Variants in TRAPPC9 observed in about 807,000 individuals in gnomAD.
The protein encoded by TRAPPC9 is trafficking protein particle complex subunit 9.
A neutral mutation model predicts 124.0 loss-of-function variants in TRAPPC9; 83 were observed. The observed-to-expected ratio is 0.67, with a 90% confidence interval of 0.56 to 0.80. The LOEUF (loss-of-function observed/expected upper bound fraction) is 0.80, where lower values mean the gene tolerates loss of function less well. Ranked by LOEUF, TRAPPC9 falls within the 30% of genes least tolerant of loss-of-function variation. The probability of loss-of-function intolerance (pLI) is 0.00; values close to 1 mark genes in which losing one functional copy is unlikely to be tolerated. For missense variants in TRAPPC9, 1,302 were observed against 1,508.3 expected, an observed-to-expected ratio of 0.86 and a Z score of 2.27; for synonymous variants, 638 against 617.5, an observed-to-expected ratio of 1.03 and a Z score of -0.49.
rs942737592 is a variant in TRAPPC9 at position 140,202,161 on chromosome 8, AT to A, written c.2556+19297del. ...GTGAGATAAAAGCTCATCTTCTGTA[AT>A]TAAAAAAAAAAAAAAAAGCAATGAG... On this transcript the variant is annotated intron_variant, in intron 17 of 22. Transcript: ENST00000438773. 2.8e-4 allele frequency among the ~76,000 whole-genome samples: 36 copies of A among 128,782 alleles called. 1 individual carries two copies. The South Asian group carries it at 7.1e-3, about 25-fold the overall frequency. The allele number at this position is 128,782 out of a possible 152,430, so 84.5% of individuals were successfully genotyped here. A position where few individuals can be genotyped will look rare whatever the true frequency, so the allele number is the denominator to read the frequency against.
intron 17 of TRAPPC9, among the ~76,000 whole-genome samples, chr8:140,048,296 T>C (rs985701914): frequency 1.3e-5 from 2 of 152,156 alleles, no homozygotes; most frequent in South Asian, 2.1e-4. Flanking sequence ...ATAATGACAA[T>C]GATGACAATG....
At chr8:139,884,256 C>T (rs73725304) in intron 21 of TRAPPC9, among the ~76,000 whole-genome samples, 1,669 of 152,132 alleles carry the variant, frequency 0.011, 22 homozygotes, top group African/African-American at 0.038. Context: ...GGGACTTCTC[C>T]CCGCTCAGCC....
chr8:140,360,280 T>G, intron 8 of TRAPPC9, 87 bp from the exon 9 acceptor site: 1 of 1,532,172 alleles, frequency 6.5e-7, no homozygotes, highest in Non-Finnish European at 8.9e-7. Context: ...CTTGGCAATT[T>G]GAAGACAGAT....
At chr8:139,880,007 A>T (rs1829579367) in intron 21 of TRAPPC9, among the ~76,000 whole-genome samples, 1 of 152,044 alleles carries the variant, frequency 6.6e-6, no homozygotes, top group Non-Finnish European at 1.5e-5. Context: ...GTTCCTCCAC[A>T]TCCCAAGGGC....
chr8:139,868,650 C>T (rs921209147), intron 21 of TRAPPC9, among the ~76,000 whole-genome samples: 12 of 152,338 alleles, frequency 7.9e-5, no homozygotes, highest in Admixed American at 2.0e-4. Flanking sequence ...ACCTCACATA[C>T]GCTTTGTTCT....
intron 17 of TRAPPC9, among the ~76,000 whole-genome samples, chr8:140,185,591 A>G (rs2062334454): frequency 6.6e-6 from 1 of 152,132 alleles, no homozygotes. Context: ...CACCAGACGG[A>G]GAAGACGGAG....
chr8:139,790,423 GGGGTA>G (rs759993505), intron 21 of TRAPPC9, among the ~76,000 whole-genome samples: 11 of 152,190 alleles, frequency 7.2e-5, no homozygotes, highest in Non-Finnish European at 1.3e-4. Context: ...GGACAAGCGT[GGGGTA>G]TGGGGTTCGG....
intron 18 of TRAPPC9, among the ~76,000 whole-genome samples, chr8:140,010,388 T>C (rs991519644): frequency 6.6e-6 from 1 of 152,152 alleles, no homozygotes; most frequent in African/African-American, 2.4e-5. Flanking sequence ...AACAAAATAA[T>C]TTTACTAAAA....
At chr8:139,942,178 G>A (rs1587292811) in intron 19 of TRAPPC9, among the ~76,000 whole-genome samples, 2 of 152,264 alleles carry the variant, frequency 1.3e-5, no homozygotes, top group South Asian at 2.1e-4. Context: ...AACAGGGGGC[G>A]GCCACGTAGC....
intron 17 of TRAPPC9, among the ~76,000 whole-genome samples, chr8:140,039,557 T>C (rs1161519484): frequency 6.6e-6 from 1 of 152,272 alleles, no homozygotes; most frequent in Non-Finnish European, 1.5e-5. Context: ...CAGCTGTATT[T>C]AAATTCAAAA....
chr8:139,971,764 CAT>C (rs1193853233), intron 19 of TRAPPC9, among the ~76,000 whole-genome samples: 2 of 81,098 alleles, frequency 2.5e-5, no homozygotes, highest in African/African-American at 7.6e-5. Context: ...CACACACACA[CAT>C]ATATATATAC....
intron 4 of TRAPPC9, among the ~76,000 whole-genome samples, chr8:140,428,513 T>C (rs1410861749): frequency 6.6e-6 from 1 of 152,158 alleles, no homozygotes; most frequent in Non-Finnish European, 1.5e-5. Flanking sequence ...TTCCTAGTGG[T>C]TGTCACCTCT....
intron 17 of TRAPPC9, among the ~76,000 whole-genome samples, chr8:140,111,256 T>C (rs1002293862): frequency 2.6e-5 from 4 of 152,060 alleles, no homozygotes; most frequent in African/African-American, 9.7e-5. Flanking sequence ...GCTGACCAGA[T>C]TCCCTGAGGC....
intron 17 of TRAPPC9, among the ~76,000 whole-genome samples, chr8:140,060,069 C>T (rs1012306861): frequency 4.6e-5 from 7 of 152,156 alleles, no homozygotes; most frequent in South Asian, 4.1e-4. Context: ...GTCTGAATGT[C>T]GCTGTCATCC....
At chr8:140,278,868 G>T (rs918077704) in intron 14 of TRAPPC9, among the ~76,000 whole-genome samples, 1 of 152,228 alleles carries the variant, frequency 6.6e-6, no homozygotes, top group African/African-American at 2.4e-5. Flanking sequence ...CCTTTCCTGA[G>T]AAGTTCCCTG....
intron 17 of TRAPPC9, among the ~76,000 whole-genome samples, chr8:140,037,674 TACAC>T (rs920603187): frequency 2.1e-5 from 3 of 140,070 alleles, no homozygotes; most frequent in Admixed American, 7.1e-5. Context: ...ACATACCCAA[TACAC>T]ACACACACAT....
At chr8:140,423,579 TACACAC>T (rs35333495) in intron 5 of TRAPPC9, among the ~76,000 whole-genome samples, 60 of 145,422 alleles carry the variant, frequency 4.1e-4, no homozygotes, top group East Asian at 1.0e-3. Flanking sequence ...AAATGTGGCA[TACACAC>T]ACACACACAC....
chr8:140,419,345 C>T (rs2070085035), intron 5 of TRAPPC9, among the ~76,000 whole-genome samples: 1 of 135,536 alleles, frequency 7.4e-6, no homozygotes, highest in Non-Finnish European at 1.5e-5. Context: ...AGGAGAATGG[C>T]GTGAACCTCG....
chr8:140,378,397 C>T (rs1372854395), intron 7 of TRAPPC9, among the ~76,000 whole-genome samples: 3 of 152,152 alleles, frequency 2.0e-5, no homozygotes, highest in Non-Finnish European at 4.4e-5. Context: ...AAAGACGAGG[C>T]TGGCCTAGCC....
Sources: gnomAD v4.1 joint callset for allele counts (sites outside exome capture counted in the v4.1 genomes callset) on GRCh38, gnomAD v4.1.1 for gene constraint, MANE v1.5 for transcripts, NCBI Gene and HGNC (gene_info 2026-07-23, HGNC 2026-07-21) for gene names.